STIM1: variants seen among roughly 807,000 people sequenced by gnomAD.
STIM1 encodes stromal interaction molecule 1.
STIM1 carries 25 observed loss-of-function variants against 74.7 expected under a neutral mutation model. The observed-to-expected ratio is 0.33, with a 90% CI of 0.24 to 0.47. The LOEUF (loss-of-function observed/expected upper bound fraction) is 0.47. STIM1 is among the 20% of genes least tolerant of loss of function. STIM1 has a pLI of 1.00. For synonymous variants in STIM1, 328 were observed against 348.8 expected (o/e 0.94, Z 0.66); for missense variants, 728 against 920.8 (o/e 0.79, Z 2.71).
At chr11:3,936,853 C>T (rs1421483496) in intron 1 of STIM1, among the ~76,000 whole-genome samples, 2 of 152,110 alleles carry the variant, frequency 1.3e-5, no homozygotes, top group Non-Finnish European at 2.9e-5. Flanking sequence ...CAGAGAAAAC[C>T]AACTTGTTTT....
intron 2 of STIM1, among the ~76,000 whole-genome samples, chr11:4,001,016 C>T (rs538529618): frequency 3.9e-5 from 6 of 151,916 alleles, no homozygotes; most frequent in South Asian, 4.2e-4. Context: ...TGAAATGAAG[C>T]GAGAAGGGAA....
At position 3,955,651 on chromosome 11, in the gene STIM1, C is replaced by T. The variant is rs141362300; in HGVS notation, c.140-11901C>T. Among the ~76,000 whole-genome samples, 246 of 151,996 alleles carry T rather than the reference C, an allele frequency of 1.6e-3. 1 individual carries two copies. Among genetic ancestry groups the T allele is most frequent in the Admixed American group, 3.1e-3 (48 of 15,262 alleles). The stretch of plus-strand genomic sequence containing the variant: ...TCTATATATTTACTTATGTACTTTA[C>T]TGTAAGTGTCTCTATTAAAGAAAAA... On this transcript the variant is annotated intron_variant, in intron 1 of 12. Transcript: ENST00000526596.
intron 5 of STIM1, among the ~76,000 whole-genome samples, chr11:4,063,824 T>G (rs775928880): frequency 6.6e-6 from 1 of 152,200 alleles, no homozygotes; most frequent in African/African-American, 2.4e-5. Context: ...TTTTATGATT[T>G]GTATCAGGAG....
At chr11:4,063,004 A>C (rs1213256643) in intron 5 of STIM1, among the ~76,000 whole-genome samples, 1 of 152,240 alleles carries the variant, frequency 6.6e-6, no homozygotes, top group Non-Finnish European at 1.5e-5. Context: ...AGCCAGTCAC[A>C]ACAGGCCACA....
chr11:3,977,146 G>A (rs1478545385), intron 2 of STIM1, among the ~76,000 whole-genome samples: 1 of 152,166 alleles, frequency 6.6e-6, no homozygotes, highest in Non-Finnish European at 1.5e-5. Context: ...CCCCTTTAGG[G>A]AAAGAACTGC....
intron 1 of STIM1, among the ~76,000 whole-genome samples, chr11:3,860,066 G>A (rs780169946): frequency 7.2e-5 from 11 of 152,216 alleles, no homozygotes; most frequent in Non-Finnish European, 1.2e-4. Context: ...GGAAGTTACA[G>A]TCTTGTTGAT....
chr11:3,950,069 T>C (rs974572049), intron 1 of STIM1, among the ~76,000 whole-genome samples: 43 of 152,286 alleles, frequency 2.8e-4, no homozygotes, highest in African/African-American at 1.0e-3. Context: ...CTTCTTTCTT[T>C]TTTTTCTTTT....
chr11:4,000,227 G>C (rs1194574589), intron 2 of STIM1, among the ~76,000 whole-genome samples: 3 of 103,250 alleles, frequency 2.9e-5, no homozygotes, highest in African/African-American at 9.1e-5. Flanking sequence ...GCTTTGAAGA[G>C]AGCAGTGGTT....
chr11:3,933,210 C>T (rs1365415629), intron 1 of STIM1, among the ~76,000 whole-genome samples: 1 of 152,140 alleles, frequency 6.6e-6, no homozygotes, highest in Non-Finnish European at 1.5e-5. Context: ...GTGTGTTGTT[C>T]ACATGGGCTG....
At chr11:3,926,345 G>A (rs2135543146) in intron 1 of STIM1, among the ~76,000 whole-genome samples, 1 of 152,200 alleles carries the variant, frequency 6.6e-6, no homozygotes, top group South Asian at 2.1e-4. Flanking sequence ...GACCCAGAGA[G>A]GGCACCATTG....
At chr11:4,067,589 G>A (rs1035150455) in intron 5 of STIM1, among the ~76,000 whole-genome samples, 1 of 152,256 alleles carries the variant, frequency 6.6e-6, no homozygotes, top group African/African-American at 2.4e-5. Context: ...GTAGCAGAAA[G>A]ACAATGTAGT....
At chr11:3,954,387 G>T (rs151095938) in intron 1 of STIM1, among the ~76,000 whole-genome samples, 1 of 152,054 alleles carries the variant, frequency 6.6e-6, no homozygotes, top group African/African-American at 2.4e-5. Context: ...AAGTCTAACC[G>T]TTGTCCTAGG....
intron 7 of STIM1, among the ~76,000 whole-genome samples, chr11:4,080,583 C>T (rs1456193955): frequency 6.6e-6 from 1 of 151,828 alleles, no homozygotes; most frequent in Non-Finnish European, 1.5e-5. Context: ...CCTCCCACCT[C>T]AGCCTCCTGA....
chr11:3,989,432 C>G (rs1475505014), intron 2 of STIM1: 2 of 724,240 alleles, frequency 2.8e-6, no homozygotes, highest in Non-Finnish European at 5.2e-6. Flanking sequence ...TTGGCGGCCC[C>G]TTCCGCGGAG....
rs774066199 is a variant in STIM1 at position 3,909,415 on chromosome 11, C to CAA, written c.139+53006_139+53007insAA. Among the ~76,000 whole-genome samples the CAA allele has an allele frequency of 5.2e-3, 784 of 152,200 alleles. 5 individuals are homozygous for CAA. The highest frequency in any genetic ancestry group is 7.5e-3 in the Non-Finnish European group (512 of 67,994). On this transcript the variant is annotated intron_variant, in intron 1 of 12. Coordinates refer to ENST00000526596, the MANE Select transcript of STIM1 (RefSeq NM_001382567.1). ...GTACCAGTAACTTTGGGGTGAGGGT[C>CAA]CTGGTGAAGTCCTGGGCTTATGAGA...
At chr11:3,978,395 G>T (rs1477289226) in intron 2 of STIM1, among the ~76,000 whole-genome samples, 4 of 150,318 alleles carry the variant, frequency 2.7e-5, no homozygotes, top group Non-Finnish European at 5.9e-5. Context: ...TGATCTGCCC[G>T]CCTCGGCCTC....
At chr11:4,014,399 A>G (rs2093874509) in intron 2 of STIM1, among the ~76,000 whole-genome samples, 1 of 152,174 alleles carries the variant, frequency 6.6e-6, no homozygotes, top group Non-Finnish European at 1.5e-5. Context: ...ATTTGATTGC[A>G]CTGTGGTCTG....
chr11:4,005,135 G>A (rs1349682074), intron 2 of STIM1, among the ~76,000 whole-genome samples: 2 of 152,126 alleles, frequency 1.3e-5, no homozygotes, highest in African/African-American at 4.8e-5. Flanking sequence ...ACTGTTGGTG[G>A]GACTGTAAAC....
chr11:3,978,543 C>T (rs112096200), intron 2 of STIM1, among the ~76,000 whole-genome samples: 8,148 of 150,852 alleles, frequency 0.054, 364 homozygotes, highest in East Asian at 0.18. Flanking sequence ...GGTGGATCAC[C>T]TGAGGTCAGG....
Sources: gnomAD v4.1 joint callset for allele counts (sites outside exome capture counted in the v4.1 genomes callset) on GRCh38, gnomAD v4.1.1 for gene constraint, MANE v1.5 for transcripts, NCBI Gene and HGNC (gene_info 2026-07-23, HGNC 2026-07-21) for gene names.